The following C1QTNF1 variants were observed in gnomAD, a reference collection of about 807,000 sequenced individuals.
The protein encoded by C1QTNF1 is complement C1q tumor necrosis factor-related protein 1.
In C1QTNF1, 22 loss-of-function variants were observed where a neutral mutation model predicts 27.8. That is an observed-to-expected ratio of 0.79 (90% CI 0.56 to 1.13). The LOEUF (loss-of-function observed/expected upper bound fraction) is 1.13, where lower values mean the gene tolerates loss of function less well. C1QTNF1 is among the 50% of genes most tolerant of loss of function. C1QTNF1 has a pLI of 0.00. For missense variants in C1QTNF1, 373 were observed against 380.2 expected, an observed-to-expected ratio of 0.98 and a Z score of 0.16; for synonymous variants, 166 against 154.3, an observed-to-expected ratio of 1.08 and a Z score of -0.56.
At position 79,046,520 on chromosome 17, in the gene C1QTNF1, T is replaced by C. The variant is rs539583596; in HGVS notation, c.156-35T>C. ...AGAGCAGCGTTTCCAGGCCTGAGAG[T>C]GGCTGACTTTCACTGTGATTCTTTA... is the stretch of plus-strand genomic sequence containing the variant. On this transcript the variant is annotated intron_variant, in intron 2 of 3. Coordinates refer to ENST00000579760, the MANE Select transcript of C1QTNF1 (RefSeq NM_030968.5). The surrounding 1 kb of genome is among the most constrained non-coding windows in gnomAD (Gnocchi z 4.8). 8 of 1,612,608 alleles carry C rather than the reference T, an allele frequency of 5.0e-6. No individual in the cohort carries two copies. The Admixed American group carries it at 1.0e-4, about 20-fold the overall frequency.
intron 2 of C1QTNF1, among the ~76,000 whole-genome samples, chr17:79,044,496 G>A (rs2072514893): frequency 6.6e-6 from 1 of 152,206 alleles, no homozygotes; most frequent in South Asian, 2.1e-4. Context: ...ACCACTTGGA[G>A]GCAGGGAGAA....
In C1QTNF1 at chr17:79,046,494, G is replaced by C; in HGVS notation, c.156-61G>C. On this transcript the variant is annotated intron_variant, in intron 2 of 3. Coordinates refer to ENST00000579760, the MANE Select transcript of C1QTNF1 (RefSeq NM_030968.5). The surrounding 1 kb of genome is among the most constrained non-coding windows in gnomAD (Gnocchi z 4.8). ...CATGCCAGAACCACTGGCAGCAGGAGAGAGCAGCGTTTCCAGGCCTGAGAG... is the reference window on the plus strand; with the variant it reads ...CATGCCAGAACCACTGGCAGCAGGACAGAGCAGCGTTTCCAGGCCTGAGAG... 1.2e-6 allele frequency: 2 copies of C among 1,606,552 alleles called. No homozygotes were observed. The highest frequency in any genetic ancestry group is 8.5e-7 in the Non-Finnish European group (1 of 1,175,028).
At chr17:79,037,509 C>T (rs151229859) in intron 1 of C1QTNF1, among the ~76,000 whole-genome samples, 6 of 152,284 alleles carry the variant, frequency 3.9e-5, no homozygotes, top group Admixed American at 6.5e-5. Context: ...AGTGATCCAC[C>T]CTCCTCGGCC....
chr17:79,040,975 A>G (rs927391275), intron 1 of C1QTNF1, among the ~76,000 whole-genome samples: 10 of 151,976 alleles, frequency 6.6e-5, no homozygotes, highest in African/African-American at 1.9e-4. Flanking sequence ...ACAGTCATGA[A>G]TGTATATTGT....
intron 1 of C1QTNF1, among the ~76,000 whole-genome samples, chr17:79,037,286 C>G (rs1195156806): frequency 6.6e-6 from 1 of 152,136 alleles, no homozygotes; most frequent in Non-Finnish European, 1.5e-5. Context: ...CGTGCCACCA[C>G]GCCCAGCTAA....
chr17:79,047,816 C>T lies in C1QTNF1; in HGVS notation c.574C>T (p.Leu192Phe). 1 of 1,614,222 alleles carries T rather than the reference C, an allele frequency of 6.2e-7. No homozygotes were observed. The highest frequency in any genetic ancestry group is 8.5e-7 in the Non-Finnish European group (1 of 1,180,038). The change falls in exon 4 of 4, where the codon CTC becomes TTC. Residue 192 changes from leucine to phenylalanine, a missense_variant. Transcript: ENST00000579760. ...TGKFYCYVPG[L>F]YFFSLNVHTW... Reference sequence around the variant, plus strand: ...CAAGTTCTACTGCTACGTGCCCGGCCTCTACTTCTTCAGCCTCAACGTGCA... The same window carrying T: ...CAAGTTCTACTGCTACGTGCCCGGCTTCTACTTCTTCAGCCTCAACGTGCA...
chr17:79,030,112 C>A lies in C1QTNF1; in HGVS notation c.-15+5618C>A, dbSNP rs117770457. Reference sequence around the variant, plus strand: ...ATCTAGTCGAGTTTCCTGGAATAAACAAAATGCTCCCTTAGTCCCCAGGGT... The same window carrying A: ...ATCTAGTCGAGTTTCCTGGAATAAAAAAAATGCTCCCTTAGTCCCCAGGGT... On this transcript the variant is annotated intron_variant, in intron 1 of 3. Coordinates refer to ENST00000579760, the MANE Select transcript of C1QTNF1 (RefSeq NM_030968.5). Among the ~76,000 whole-genome samples, 894 of 152,222 alleles carry A rather than the reference C, an allele frequency of 5.9e-3. 4 individuals carry two copies. The highest frequency in any genetic ancestry group is 9.8e-3 in the Non-Finnish European group (665 of 68,016).
rs778263822 is a variant in C1QTNF1, at chr17:79,044,084, G to T, written c.116G>T (p.Gly39Val). 6.2e-7 allele frequency: 1 copy of T among 1,613,642 alleles called. No individual in the cohort carries two copies. Among genetic ancestry groups the T allele is most frequent in the Non-Finnish European group, 8.5e-7 (1 of 1,179,866 alleles). The change falls in exon 2 of 4, where the codon GGG (glycine) becomes GTG (valine). Residue 39 changes from glycine (G) to valine (V), a missense_variant. Coordinates refer to ENST00000579760, the MANE Select transcript of C1QTNF1 (RefSeq NM_030968.5). ...CAGGGGGAACAGCAGGAGTGGGAGG[G>T]GACTGAGGAGCTGCCGTCGCCTCCG... The part of the protein sequence containing the change: ...HVQGEQQEWE[G>V]TEELPSPPDH...
Position 79,046,548 on chromosome 17 carries a change from C to G in C1QTNF1, c.156-7C>G. 1 of 1,614,042 alleles carries G rather than the reference C, an allele frequency of 6.2e-7. No individual in the cohort carries two copies. Among genetic ancestry groups the G allele is most frequent in the Non-Finnish European group, 8.5e-7 (1 of 1,179,980 alleles). On this transcript the variant is annotated splice_region_variant and splice_polypyrimidine_tract_variant and intron_variant, in intron 2 of 3. Transcript: ENST00000579760. This position sits in a 1 kb window ranked among gnomAD's most constrained non-coding sequence, Gnocchi z 4.8. ...CTGACTTTCACTGTGATTCTTTATT[C>G]CCTCAGGGCTGAAGAACAACATGAA...
At chr17:79,023,708 A>G (rs148740923), upstream of C1QTNF1, among the ~76,000 whole-genome samples, 20,805 of 125,686 alleles carry the variant, frequency 0.17, 1,585 homozygotes, top group East Asian at 0.32. Context: ...GCGCGCGCAC[A>G]CACACACACA....
At chr17:79,030,479 C>CTTT (rs1207214054) in intron 1 of C1QTNF1, among the ~76,000 whole-genome samples, 1 of 110,012 alleles carries the variant, frequency 9.1e-6, no homozygotes, top group Admixed American at 9.7e-5. Context: ...TTCTTTCTTT[C>CTTT]TTTCTTTTTC....
At chr17:79,042,980 G>A (rs1027178025) in intron 1 of C1QTNF1, among the ~76,000 whole-genome samples, 3 of 152,200 alleles carry the variant, frequency 2.0e-5, no homozygotes, top group African/African-American at 7.2e-5. Context: ...TGTGTTGAAA[G>A]TGTGCATGTG....
chr17:79,038,109 C>A (rs1227626166), intron 1 of C1QTNF1, among the ~76,000 whole-genome samples: 1 of 151,996 alleles, frequency 6.6e-6, no homozygotes, highest in Non-Finnish European at 1.5e-5. Context: ...CCTGCCTCAG[C>A]CTCCCGAGTA....
intron 1 of C1QTNF1, among the ~76,000 whole-genome samples, chr17:79,027,045 A>G (rs2071984397): frequency 7.1e-6 from 1 of 140,888 alleles, no homozygotes; most frequent in African/African-American, 2.5e-5. Flanking sequence ...GGAGCTTCCC[A>G]TTTGTGTCTT....
chr17:79,028,541 T>C (rs2072037772), intron 1 of C1QTNF1, among the ~76,000 whole-genome samples: 1 of 152,198 alleles, frequency 6.6e-6, no homozygotes, highest in South Asian at 2.1e-4. Flanking sequence ...TGGAAGGATC[T>C]GGGTGGGTTA....
rs2072579746 is a variant in C1QTNF1, at chr17:79,046,601, C to A, written c.202C>A (p.Leu68Ile). Residue 68 changes from leucine to isoleucine, a missense_variant, in exon 3 of 4, where the codon CTC becomes ATC. By Grantham distance (5) the Leu-to-Ile change is conservative. Coordinates refer to ENST00000579760, the MANE Select transcript of C1QTNF1 (RefSeq NM_030968.5). The surrounding 1 kb of genome is among the most constrained non-coding windows in gnomAD (Gnocchi z 4.8). ...EKYRPSQDQG[L>I]PASRCLRCCD... ...ATACAGGCCCAGTCAGGACCAGGGG[C>A]TCCCTGCTTCCCGGTGCTTGCGCTG... 6.2e-7 allele frequency: 1 copy of A among 1,614,230 alleles called. No homozygotes were observed. The highest frequency in any genetic ancestry group is 1.3e-5 in the African/African-American group (1 of 75,056).
chr17:79,043,601 C>T (rs1023499052), intron 1 of C1QTNF1: 1 of 451,516 alleles, frequency 2.2e-6, no homozygotes, highest in African/African-American at 2.0e-5. Context: ...GTGTGGATTG[C>T]ATGTGTGTTG....
At chr17:79,043,069 GTGTGGGTTGCATGTGTGTA>G (rs1315888095) in intron 1 of C1QTNF1, among the ~76,000 whole-genome samples, 27 of 151,868 alleles carry the variant, frequency 1.8e-4, no homozygotes, top group African/African-American at 6.3e-4. Flanking sequence ...TTGCATGTGT[GTGTGGGTTGCATGTGTGTA>G]TGTGTGTGCA....
intron 1 of C1QTNF1, among the ~76,000 whole-genome samples, chr17:79,037,957 C>A (rs2072303406): frequency 6.6e-6 from 1 of 151,902 alleles, no homozygotes; most frequent in Non-Finnish European, 1.5e-5. Context: ...CAGGTGTGAG[C>A]CACCACAAGC....
Sources: allele counts gnomAD v4.1 joint callset (sites outside exome capture counted in the v4.1 genomes callset), GRCh38; gene constraint gnomAD v4.1.1; non-coding constraint Gnocchi (gnomAD v3.1); transcripts MANE v1.5; gene names NCBI Gene and HGNC (gene_info 2026-07-23, HGNC 2026-07-21).